Variants in TNFSF4 observed in about 807,000 individuals in gnomAD.
The protein encoded by TNFSF4 is tumor necrosis factor ligand superfamily member 4.
TNFSF4 carries 4 observed loss-of-function variants against 7.3 expected under a neutral mutation model. That is an observed-to-expected ratio of 0.55 (90% CI 0.27 to 1.25). The LOEUF (loss-of-function observed/expected upper bound fraction) is 1.25. Ranked by LOEUF, TNFSF4 falls within the 50% of genes most tolerant of loss-of-function variation. The probability of loss-of-function intolerance (pLI) is 0.12; values close to 1 mark genes in which losing one functional copy is unlikely to be tolerated. For missense variants in TNFSF4, 181 were observed against 208.8 expected (o/e 0.87, Z 0.82); for synonymous variants, 76 against 83.7 (o/e 0.91, Z 0.50).
the TNFSF4 span, among the ~76,000 whole-genome samples, chr1:173,274,619 T>G: frequency 6.6e-6 from 1 of 152,044 alleles, no homozygotes; most frequent in Non-Finnish European, 1.5e-5. Context: ...TCCAGGTGGA[T>G]CTTACCTAAC....
chr1:173,288,206 A>C, the TNFSF4 span, among the ~76,000 whole-genome samples: 1 of 152,170 alleles, frequency 6.6e-6, no homozygotes, highest in Non-Finnish European at 1.5e-5. Flanking sequence ...AAATCCCAGC[A>C]CTTTGGGAGG....
the TNFSF4 span, among the ~76,000 whole-genome samples, chr1:173,178,446 C>T: frequency 2.0e-5 from 3 of 152,046 alleles, no homozygotes; most frequent in Non-Finnish European, 4.4e-5. Flanking sequence ...TGGTAGCTGG[C>T]GCCTGTAGTC....
At chr1:173,193,203 T>C (rs1447974813) in intron 1 of TNFSF4, among the ~76,000 whole-genome samples, 2 of 152,118 alleles carry the variant, frequency 1.3e-5, no homozygotes, top group African/African-American at 4.8e-5. Context: ...GTTTTGTATA[T>C]CAAGAAAAGC....
At chr1:173,291,814 A>G in the TNFSF4 span, among the ~76,000 whole-genome samples, 1 of 152,120 alleles carries the variant, frequency 6.6e-6, no homozygotes, top group African/African-American at 2.4e-5. Context: ...GACAAAGGTG[A>G]CATTACAAAA....
the TNFSF4 span, chr1:173,440,841 T>C: frequency 6.6e-6 from 1 of 152,184 alleles, no homozygotes; most frequent in Non-Finnish European, 1.5e-5. Flanking sequence ...ATTAATGCAA[T>C]CTGTAAGGTT....
chr1:173,238,147 A>G, the TNFSF4 span, among the ~76,000 whole-genome samples: 1 of 152,228 alleles, frequency 6.6e-6, no homozygotes, highest in African/African-American at 2.4e-5. Context: ...GACAAAAACA[A>G]GCAATGGTAA....
At chr1:173,282,599 C>T in the TNFSF4 span, among the ~76,000 whole-genome samples, 1 of 152,080 alleles carries the variant, frequency 6.6e-6, no homozygotes, top group African/African-American at 2.4e-5. Flanking sequence ...GCTGGGATTA[C>T]AGGCATGTGC....
chr1:173,204,256 G>A (rs1650080252), intron 1 of TNFSF4, among the ~76,000 whole-genome samples: 1 of 152,134 alleles, frequency 6.6e-6, no homozygotes, highest in Admixed American at 6.5e-5. Context: ...TATTGAGCTG[G>A]AAGACATCTT....
chr1:173,272,218 G>A, the TNFSF4 span, among the ~76,000 whole-genome samples: 1 of 152,018 alleles, frequency 6.6e-6, no homozygotes, highest in South Asian at 2.1e-4. Flanking sequence ...GGGGTGCAGA[G>A]AGCATTAGGA....
downstream of TNFSF4, among the ~76,000 whole-genome samples, chr1:173,182,875 G>A (rs1161838745): frequency 6.6e-6 from 1 of 152,182 alleles, no homozygotes; most frequent in Non-Finnish European, 1.5e-5. Flanking sequence ...TGTGGGTGAG[G>A]AGAACTCTTG....
At chr1:173,179,962 TC>T (rs1382203598), downstream of TNFSF4, among the ~76,000 whole-genome samples, 1 of 152,196 alleles carries the variant, frequency 6.6e-6, no homozygotes, top group Non-Finnish European at 1.5e-5. Flanking sequence ...GCTGGTTTCT[TC>T]CAATTTTCAG....
the TNFSF4 span, among the ~76,000 whole-genome samples, chr1:173,257,153 T>G: frequency 6.6e-6 from 1 of 152,218 alleles, no homozygotes; most frequent in Non-Finnish European, 1.5e-5. Context: ...CTTTCGTATC[T>G]CCAAGGCTTA....
At chr1:173,271,953 G>A in the TNFSF4 span, among the ~76,000 whole-genome samples, 2 of 152,170 alleles carry the variant, frequency 1.3e-5, no homozygotes, top group African/African-American at 2.4e-5. Flanking sequence ...CTACCCAAAT[G>A]TCCATCAATG....
chr1:173,192,010 C>T (rs1447818104), intron 1 of TNFSF4, among the ~76,000 whole-genome samples: 1 of 152,164 alleles, frequency 6.6e-6, no homozygotes, highest in African/African-American at 2.4e-5. Flanking sequence ...AAGCCTGTCT[C>T]TACAAAAAAT....
the TNFSF4 span, among the ~76,000 whole-genome samples, chr1:173,289,099 G>A: frequency 6.6e-6 from 1 of 152,008 alleles, no homozygotes; most frequent in African/African-American, 2.4e-5. Flanking sequence ...AGGGGAACAG[G>A]GAGGCCAAAG....
the TNFSF4 span, among the ~76,000 whole-genome samples, chr1:173,297,070 T>C: frequency 6.6e-6 from 1 of 151,880 alleles, no homozygotes; most frequent in African/African-American, 2.4e-5. Flanking sequence ...GGAGACATAA[T>C]GATGAGCAAG....
At chr1:173,355,651 A>T in the TNFSF4 span, among the ~76,000 whole-genome samples, 2 of 152,228 alleles carry the variant, frequency 1.3e-5, no homozygotes, top group African/African-American at 4.8e-5. Flanking sequence ...GAAAGTATGA[A>T]AAGTGCAGAA....
the TNFSF4 span, among the ~76,000 whole-genome samples, chr1:173,391,710 G>A: frequency 8.5e-5 from 13 of 152,122 alleles, no homozygotes; most frequent in Non-Finnish European, 1.8e-4. Context: ...CAGCTGGACA[G>A]TCTAAACTAA....
At chr1:173,427,350 T>C in the TNFSF4 span, among the ~76,000 whole-genome samples, 3 of 152,194 alleles carry the variant, frequency 2.0e-5, no homozygotes, top group East Asian at 5.8e-4. Context: ...GAGTGGCTGC[T>C]ACTGGTATCT....
Sources: allele counts gnomAD v4.1 joint callset (sites outside exome capture counted in the v4.1 genomes callset), GRCh38; gene constraint gnomAD v4.1.1; transcripts MANE v1.5; gene names NCBI Gene and HGNC (gene_info 2026-07-23, HGNC 2026-07-21).